Variants in ARHGAP8 observed in about 807,000 individuals in gnomAD.
The protein encoded by ARHGAP8 is Rho GTPase activating protein 8, also known as rho GTPase-activating protein 8.
In ARHGAP8, 62 loss-of-function variants were observed where a neutral mutation model predicts 46.1. The observed-to-expected ratio is 1.34, with a 90% CI of 1.10 to 1.66. The LOEUF (loss-of-function observed/expected upper bound fraction) is 1.66, where lower values mean the gene tolerates loss of function less well. ARHGAP8 is among the 40% of genes most tolerant of loss of function. ARHGAP8 has a pLI of 0.00. For synonymous variants in ARHGAP8, 375 were observed against 243.1 expected, an observed-to-expected ratio of 1.54 and a Z score of -5.05; for missense variants, 923 against 568.4, an observed-to-expected ratio of 1.62 and a Z score of -6.34.
rs186754176 is a variant in ARHGAP8 at position 44,853,918 on chromosome 22, T to C, written c.877+4858T>C. 2.4e-3 allele frequency among the ~76,000 whole-genome samples: 357 copies of C among 149,932 alleles called. 6 individuals carry two copies. The East Asian group carries it at 0.04, about 17-fold the overall frequency. ...GGCATGCACCTGTAATCCCAGCTACTCGGGAGGCTGAGGCAGGAGGATCGC... is the reference window on the plus strand; with the variant it reads ...GGCATGCACCTGTAATCCCAGCTACCCGGGAGGCTGAGGCAGGAGGATCGC... On this transcript the variant is annotated intron_variant, in intron 10 of 11. Coordinates refer to ENST00000356099, the MANE Select transcript of ARHGAP8 (RefSeq NM_181335.3).
chr22:44,811,951 C>G (rs531362760), intron 4 of ARHGAP8, among the ~76,000 whole-genome samples: 13 of 150,332 alleles, frequency 8.6e-5, no homozygotes, highest in Non-Finnish European at 1.8e-4. Context: ...GAGCTGAGAT[C>G]GCGCCACCGC....
chr22:44,819,326 C>G (rs935365272), intron 5 of ARHGAP8, among the ~76,000 whole-genome samples: 4 of 152,216 alleles, frequency 2.6e-5, no homozygotes, highest in Non-Finnish European at 4.4e-5. Context: ...CTCGGCCTCT[C>G]AAAGTGCTGG....
intron 7 of ARHGAP8, among the ~76,000 whole-genome samples, chr22:44,829,620 C>T (rs909593880): frequency 2.6e-5 from 4 of 152,142 alleles, no homozygotes; most frequent in African/African-American, 9.7e-5. Context: ...CCTGCAGTTG[C>T]CTCTTTAAAT....
At chr22:44,753,172 G>T (rs956811241) in intron 1 of ARHGAP8, among the ~76,000 whole-genome samples, 3 of 152,134 alleles carry the variant, frequency 2.0e-5, no homozygotes, top group Admixed American at 6.5e-5. Context: ...GGGGTGGGGG[G>T]CTGGCCGGTT....
chr22:44,859,693 C>G, intron 10 of ARHGAP8, 38 bp from the exon 11 acceptor site: 1 of 1,606,792 alleles, frequency 6.2e-7, no homozygotes, highest in Non-Finnish European at 8.5e-7. Context: ...TGCCCCTGGC[C>G]CCTCTGGAGC....
intron 10 of ARHGAP8, among the ~76,000 whole-genome samples, chr22:44,856,208 A>G (rs1395573170): frequency 1.3e-5 from 2 of 148,936 alleles, no homozygotes; most frequent in Admixed American, 6.7e-5. Flanking sequence ...ATCATCCAAC[A>G]TATCAGAGTG....
intron 1 of ARHGAP8, among the ~76,000 whole-genome samples, chr22:44,778,314 AAC>A (rs1926573597): frequency 1.3e-5 from 2 of 152,156 alleles, no homozygotes; most frequent in South Asian, 4.2e-4. Context: ...CACTTAGAAT[AAC>A]AGTCTCCAAT....
chr22:44,846,200 C>T lies in ARHGAP8; in HGVS notation c.670+858C>T, dbSNP rs901487419. The stretch of plus-strand genomic sequence containing the variant: ...CACCGTGTGGTCCCTTGGCTGCTGC[C>T]GTTTCTCACATTTCCATCTGGCGGG... On this transcript the variant is annotated intron_variant, in intron 8 of 11. Transcript: ENST00000356099. 5.3e-5 allele frequency among the ~76,000 whole-genome samples: 8 copies of T among 152,236 alleles called. No individual in the cohort carries two copies. In the South Asian group the frequency reaches 8.3e-4, roughly 16 times the overall value.
intron 8 of ARHGAP8, among the ~76,000 whole-genome samples, 200 bp from the exon 9 acceptor site, chr22:44,847,773 T>C (rs2069993456): frequency 1.3e-5 from 2 of 152,222 alleles, no homozygotes; most frequent in Non-Finnish European, 2.9e-5. Context: ...GATTAGAGTC[T>C]ATTTCCGCTT....
At chr22:44,773,317 T>C (rs1391639066) in intron 1 of ARHGAP8, among the ~76,000 whole-genome samples, 1 of 152,230 alleles carries the variant, frequency 6.6e-6, no homozygotes, top group East Asian at 1.9e-4. Context: ...TGTAGTGATG[T>C]CTCCTGTCTC....
In ARHGAP8 at chr22:44,862,521, C is replaced by A. The variant is rs147816304; in HGVS notation, c.1228C>A (p.Arg410=). ...AGCCCCTTTGCAGGAGGCTGTGCCA[C>A]GGACACAAGCCACGGGCCTCACCAA... The part of the protein sequence containing the change: ...RAAPLQEAVP[R]TQATGLTKPT... Residue 410 remains arginine, a synonymous_variant, in exon 12 of 12, where the codon CGG becomes AGG. Transcript: ENST00000356099. 43 of 1,611,738 alleles carry A rather than the reference C, an allele frequency of 2.7e-5. 1 individual carries two copies. In the South Asian group the frequency reaches 4.5e-4, roughly 17 times the overall value.
chr22:44,793,919 T>C lies in ARHGAP8; in HGVS notation c.79+7313T>C, dbSNP rs528760321. ...TGATGGCATCAACACAGATGCGGCA[T>C]TGATGGCTTAATAAGTGGGAAGGTT... On this transcript the variant is annotated intron_variant, in intron 2 of 11. Coordinates refer to ENST00000356099, the MANE Select transcript of ARHGAP8 (RefSeq NM_181335.3). Among the ~76,000 whole-genome samples, 3 of 152,340 alleles carry C rather than the reference T, an allele frequency of 2.0e-5. No homozygotes were observed. The South Asian group carries it at 6.2e-4, about 32-fold the overall frequency.
intron 1 of ARHGAP8, among the ~76,000 whole-genome samples, chr22:44,760,301 G>C (rs1925032695): frequency 6.6e-6 from 1 of 152,166 alleles, no homozygotes; most frequent in South Asian, 2.1e-4. Flanking sequence ...GCCACTGGGG[G>C]ACCCTGGAAT....
chr22:44,837,233 G>A (rs1216879940), intron 7 of ARHGAP8, among the ~76,000 whole-genome samples: 6 of 152,056 alleles, frequency 3.9e-5, no homozygotes, highest in East Asian at 1.9e-4. Flanking sequence ...TGCATTCCTC[G>A]CATGCAAAAC....
At chr22:44,777,952 T>G (rs529819296) in intron 1 of ARHGAP8, among the ~76,000 whole-genome samples, 2 of 152,294 alleles carry the variant, frequency 1.3e-5, no homozygotes, top group South Asian at 4.1e-4. Flanking sequence ...TGCCTCAGCC[T>G]CCCAAAGTGC....
chr22:44,804,030 T>C (rs1928764850), intron 3 of ARHGAP8, among the ~76,000 whole-genome samples: 1 of 150,038 alleles, frequency 6.7e-6, no homozygotes, highest in Admixed American at 6.6e-5. Flanking sequence ...GGGTCCACAG[T>C]CTTGAGCGTG....
chr22:44,862,395 A>G lies in ARHGAP8; in HGVS notation c.1102A>G (p.Met368Val), dbSNP rs532603393. 14 of 1,614,000 alleles carry G rather than the reference A, an allele frequency of 8.7e-6. No homozygotes were observed. Among genetic ancestry groups the G allele is most frequent in the Middle Eastern group, 1.6e-4 (1 of 6,084 alleles). Reference sequence around the variant, plus strand: ...CCTGAGTGCCCTTGTGCCCCTGAACATGTTCACTGAACTGCTGATCGAGTA... The same window carrying G: ...CCTGAGTGCCCTTGTGCCCCTGAACGTGTTCACTGAACTGCTGATCGAGTA... Reference protein sequence around the residue: ...SSLSALVPLNMFTELLIEYYE... With the variant: ...SSLSALVPLNVFTELLIEYYE... The change falls in exon 12 of 12, where the codon ATG (methionine) becomes GTG (valine). Residue 368 changes from methionine to valine, a missense_variant. By Grantham distance (21) the Met-to-Val change is conservative. Transcript: ENST00000356099.
At chr22:44,856,176 C>T (rs1365523836) in intron 10 of ARHGAP8, among the ~76,000 whole-genome samples, 2 of 149,190 alleles carry the variant, frequency 1.3e-5, no homozygotes, top group African/African-American at 2.5e-5. Flanking sequence ...GATTACATTT[C>T]AATGTGAGGT....
intron 2 of ARHGAP8, among the ~76,000 whole-genome samples, chr22:44,790,414 G>A (rs1434799243): frequency 6.6e-6 from 1 of 151,994 alleles, no homozygotes; most frequent in African/African-American, 2.4e-5. Context: ...CATGGTTCAT[G>A]CCTGTAATCC....
Sources: allele counts gnomAD v4.1 joint callset (sites outside exome capture counted in the v4.1 genomes callset), GRCh38; gene constraint gnomAD v4.1.1; transcripts MANE v1.5; gene names NCBI Gene and HGNC (gene_info 2026-07-23, HGNC 2026-07-21).